The following KAT6A variants were observed in gnomAD, a reference collection of about 807,000 sequenced individuals.
KAT6A encodes the protein histone acetyltransferase KAT6A.
A neutral mutation model predicts 198.4 loss-of-function variants in KAT6A; 9 were observed. The observed-to-expected ratio is 0.05, with a 90% CI of 0.03 to 0.08. The LOEUF (loss-of-function observed/expected upper bound fraction) is 0.08. KAT6A is among the 10% of genes least tolerant of loss of function. The pLI is 1.00. For synonymous variants in KAT6A, 890 were observed against 883.0 expected (o/e 1.01, Z -0.14); for missense variants, 2,077 against 2,509.9 (o/e 0.83, Z 3.69).
chr8:41,969,795 T>A (rs1021369203), intron 8 of KAT6A, among the ~76,000 whole-genome samples: 4 of 151,968 alleles, frequency 2.6e-5, no homozygotes, highest in African/African-American at 9.7e-5. Context: ...TTCTGTTCAC[T>A]GTATTTGAGT....
rs1233262910 is a variant in KAT6A at position 41,933,984 on chromosome 8, C to T, written c.4236G>A (p.Glu1412=). Residue 1412 remains glutamate, a synonymous_variant, in exon 17 of 17, where the codon GAG becomes GAA. Coordinates refer to ENST00000265713, the MANE Select transcript of KAT6A (RefSeq NM_006766.5). The surrounding 1 kb of genome is among the most constrained non-coding windows in gnomAD (Gnocchi z 6.2). ...TKEELIELKE[E]EEIPHSELDL... is the part of the protein sequence containing the mutation. ...CCAGCTCACTATGAGGAATCTCTTC[C>T]TCCTCTTTTAATTCGATTAACTCTT... 9.9e-6 allele frequency: 16 copies of T among 1,613,906 alleles called. No individual in the cohort carries two copies. The highest frequency in any genetic ancestry group is 1.4e-5 in the Non-Finnish European group (16 of 1,180,024).
intron 2 of KAT6A, among the ~76,000 whole-genome samples, chr8:42,003,766 AAAT>A (rs1825610720): frequency 1.3e-5 from 2 of 152,134 alleles, no homozygotes; most frequent in African/African-American, 4.8e-5. Flanking sequence ...AATTGAGGTT[AAAT>A]AGATCATAAA....
At chr8:41,937,602 TGAA>T in intron 15 of KAT6A, 34 bp from the exon 16 acceptor site, 1 of 1,485,158 alleles carries the variant, frequency 6.7e-7, no homozygotes. Context: ...TTTACAGTTA[TGAA>T]CACTATCTTT....
intron 13 of KAT6A, among the ~76,000 whole-genome samples, 197 bp downstream of exon 13, chr8:41,943,551 G>C (rs572417608): frequency 6.6e-5 from 10 of 152,002 alleles, no homozygotes; most frequent in Non-Finnish European, 1.3e-4. Context: ...AGTTTAAAAA[G>C]CATATATATA....
intron 8 of KAT6A, chr8:41,957,314 A>G (rs1325315087): frequency 1.8e-6 from 1 of 560,548 alleles, no homozygotes; most frequent in Non-Finnish European, 3.6e-6. Context: ...GCAAGCCTCC[A>G]CAGCAAGGGT....
intron 8 of KAT6A, chr8:41,957,086 T>C: frequency 1.7e-6 from 1 of 603,284 alleles, no homozygotes; most frequent in Non-Finnish European, 3.3e-6. Flanking sequence ...GGTCTTCCCA[T>C]CAGCTGCCCG....
intron 8 of KAT6A, chr8:41,957,807 C>T (rs1822998195): frequency 1.3e-5 from 2 of 152,694 alleles, no homozygotes; most frequent in Non-Finnish European, 2.9e-5. Context: ...TACTCTTCTA[C>T]AAAAACTTAA....
At chr8:41,944,638 T>G (rs369997183) in intron 12 of KAT6A, among the ~76,000 whole-genome samples, 9 of 152,184 alleles carry the variant, frequency 5.9e-5, no homozygotes, top group African/African-American at 2.2e-4. Flanking sequence ...AAAAGCAGTC[T>G]AAGAATGTTA....
At position 42,009,894 on chromosome 8, in the gene KAT6A, C is replaced by CAAAAAAAAAAAAAAA. The variant is rs538642816; in HGVS notation, c.601-22346_601-22332dup. 1.3e-3 allele frequency among the ~76,000 whole-genome samples: 63 copies of CAAAAAAAAAAAAAAA among 48,782 alleles called. 1 individual carries two copies. Among genetic ancestry groups the CAAAAAAAAAAAAAAA allele is most frequent in the South Asian group, 1.8e-3 (3 of 1,700 alleles). The allele number at this position is 48,782 out of a possible 152,430, so 32.0% of individuals were successfully genotyped here. On this transcript the variant is annotated intron_variant, in intron 2 of 16. Transcript: ENST00000265713. Reference sequence around the variant, plus strand: ...CTGGCGACAGGACAAAGCCCTGTCTCAAAAAAAAAAAAAAAAAAAACAAAA... The same window carrying CAAAAAAAAAAAAAAA: ...CTGGCGACAGGACAAAGCCCTGTCTCAAAAAAAAAAAAAAAAAAAAAAAAAAAAAAAAAAACAAAA...
chr8:42,049,827 T>C (rs1802509041), intron 1 of KAT6A: 1 of 152,232 alleles, frequency 6.6e-6, no homozygotes, highest in South Asian at 2.1e-4. Flanking sequence ...ATGAAAAGAA[T>C]GAATACAATA....
At chr8:42,017,638 G>A (rs548775699) in intron 2 of KAT6A, among the ~76,000 whole-genome samples, 5 of 152,312 alleles carry the variant, frequency 3.3e-5, no homozygotes, top group African/African-American at 9.6e-5. Flanking sequence ...GGACTACAGT[G>A]TGCTGGAAGG....
rs528672401 is a variant in KAT6A at position 41,931,628 on chromosome 8, T to TTAATAA, written c.*571_*576dup. On this transcript the variant is annotated 3_prime_UTR_variant, in exon 17 of 17. Coordinates refer to ENST00000265713, the MANE Select transcript of KAT6A (RefSeq NM_006766.5). Reference sequence around the variant, plus strand: ...AGAAGCATTTTCCTGCCTCACTTTATTAATAATAATAATAATAATATTAAC... The same window carrying TTAATAA: ...AGAAGCATTTTCCTGCCTCACTTTATTAATAATAATAATAATAATAATAATATTAAC... The TTAATAA allele has an allele frequency of 3.8e-5, 7 of 186,532 alleles. No homozygotes were observed. The highest frequency in any genetic ancestry group is 1.4e-4 in the African/African-American group (6 of 42,562). The allele number at this position is 186,532 out of a possible 1,614,324, so 11.6% of individuals were successfully genotyped here. A position where few individuals can be genotyped will look rare whatever the true frequency, so the allele number is the denominator to read the frequency against.
chr8:41,933,032 T>C lies in KAT6A; in HGVS notation c.5188A>G (p.Ser1730Gly), dbSNP rs1378774930. 1.9e-6 allele frequency: 3 copies of C among 1,614,026 alleles called. No individual in the cohort carries two copies. The highest frequency in any genetic ancestry group is 3.3e-5 in the Admixed American group (2 of 60,010). ...IPESGSTGNI[S>G]IYERIPGDFG... ...TCCCCTGGAATCCTCTCATAGATAC[T>C]TATGTTCCCAGTGCTTCCAGATTCT... The change falls in exon 17 of 17, where the codon AGT (serine) becomes GGT (glycine). Residue 1730 changes from serine to glycine, a missense_variant. By Grantham distance (56) the Ser-to-Gly change is moderately conservative (BLOSUM62 0). This residue lies in a region of KAT6A where 500 missense variants were observed against 577.2 expected (regional missense o/e 0.87). Coordinates refer to ENST00000265713, the MANE Select transcript of KAT6A (RefSeq NM_006766.5). The surrounding 1 kb of genome is among the most constrained non-coding windows in gnomAD (Gnocchi z 6.2).
At chr8:42,043,252 T>G (rs955057211) in intron 2 of KAT6A, among the ~76,000 whole-genome samples, 3 of 152,228 alleles carry the variant, frequency 2.0e-5, no homozygotes, top group Non-Finnish European at 4.4e-5. Flanking sequence ...TACAGTAATA[T>G]CTATATTTCA....
intron 2 of KAT6A, among the ~76,000 whole-genome samples, chr8:42,022,680 A>G (rs573373671): frequency 1.1e-4 from 16 of 152,330 alleles, no homozygotes; most frequent in African/African-American, 3.6e-4. Flanking sequence ...TTATAACGCC[A>G]TAACACTCTT....
chr8:42,043,013 ATAT>A (rs1286783169), intron 2 of KAT6A, among the ~76,000 whole-genome samples: 14 of 152,204 alleles, frequency 9.2e-5, no homozygotes, highest in South Asian at 4.1e-4. Flanking sequence ...CCCACTAAAC[ATAT>A]TATTATTTCT....
intron 2 of KAT6A, 27 bp downstream of exon 2, chr8:42,048,351 A>G: frequency 6.2e-7 from 1 of 1,605,094 alleles, no homozygotes; most frequent in South Asian, 1.1e-5. Flanking sequence ...TCAGCTCTAT[A>G]AACCCCGAAG....
intron 2 of KAT6A, among the ~76,000 whole-genome samples, chr8:42,036,395 G>A (rs146065216): frequency 3.1e-4 from 47 of 152,246 alleles, no homozygotes; most frequent in African/African-American, 1.1e-3. Flanking sequence ...CAGATCACCT[G>A]AGGTCAGGAG....
At chr8:42,025,976 G>A (rs1337869496) in intron 2 of KAT6A, among the ~76,000 whole-genome samples, 1 of 152,130 alleles carries the variant, frequency 6.6e-6, no homozygotes, top group Non-Finnish European at 1.5e-5. Flanking sequence ...TAGGGGTCTA[G>A]TTTCATTCTT....
Sources: allele counts gnomAD v4.1 joint callset (sites outside exome capture counted in the v4.1 genomes callset), GRCh38; gene constraint gnomAD v4.1.1; regional missense constraint gnomAD v4.1.1; non-coding constraint Gnocchi (gnomAD v3.1); transcripts MANE v1.5; gene names NCBI Gene and HGNC (gene_info 2026-07-23, HGNC 2026-07-21).